The following UGCG variants were observed in gnomAD, a reference collection of about 807,000 sequenced individuals.
UGCG encodes the protein ceramide glucosyltransferase.
UGCG carries 10 observed loss-of-function variants against 49.5 expected under a neutral mutation model. That is an observed-to-expected ratio of 0.20 (90% CI 0.12 to 0.34). The LOEUF is 0.34. UGCG is among the 10% of genes least tolerant of loss of function. The pLI, the probability that UGCG is intolerant of heterozygous loss-of-function variation, is 1.00. For missense variants in UGCG, 312 were observed against 483.7 expected, an observed-to-expected ratio of 0.65 and a Z score of 3.33; for synonymous variants, 182 against 158.2, an observed-to-expected ratio of 1.15 and a Z score of -1.13.
chr9:111,907,767 G>A (rs1837915940), intron 1 of UGCG, among the ~76,000 whole-genome samples: 1 of 151,936 alleles, frequency 6.6e-6, no homozygotes, highest in Non-Finnish European at 1.5e-5. Context: ...TGGGATTACA[G>A]GCACGTGAGG....
At chr9:111,904,151 C>T (rs1837830837) in intron 1 of UGCG, among the ~76,000 whole-genome samples, 1 of 152,242 alleles carries the variant, frequency 6.6e-6, no homozygotes, top group African/African-American at 2.4e-5. Flanking sequence ...TCCATTTAGC[C>T]TAGAGCCCAC....
At chr9:111,931,236 A>G (rs1270513753) in intron 6 of UGCG, 35 bp from the exon 7 acceptor site, 1 of 1,602,052 alleles carries the variant, frequency 6.2e-7, no homozygotes, top group South Asian at 1.1e-5. Flanking sequence ...TGTGTTCATC[A>G]TCATAACTTA....
rs73530540 is a variant in UGCG at position 111,903,129 on chromosome 9, G to A, written c.98+5816G>A. Reference sequence around the variant, plus strand: ...GAGGAGCTGTATTAAGGTTGCTGCAGAGGCTGCTTCCCGCCATCTGAAGGG... The same window carrying A: ...GAGGAGCTGTATTAAGGTTGCTGCAAAGGCTGCTTCCCGCCATCTGAAGGG... On this transcript the variant is annotated intron_variant, in intron 1 of 8. Coordinates refer to ENST00000374279, the MANE Select transcript of UGCG (RefSeq NM_003358.3). Among the ~76,000 whole-genome samples, 1,139 of 152,284 alleles carry A rather than the reference G, an allele frequency of 7.5e-3. 19 individuals are homozygous for A. Among genetic ancestry groups the A allele is most frequent in the African/African-American group, 0.026 (1,086 of 41,538 alleles).
chr9:111,933,012 C>T lies in UGCG; in HGVS notation c.*15C>T, dbSNP rs202093162. ...TAGATGTATAACTACAGCTTTGTGACTGTATATAAAGGAAAAAAGAGAAGT... is the reference window on the plus strand; with the variant it reads ...TAGATGTATAACTACAGCTTTGTGATTGTATATAAAGGAAAAAAGAGAAGT... On this transcript the variant is annotated 3_prime_UTR_variant, in exon 9 of 9. Coordinates refer to ENST00000374279, the MANE Select transcript of UGCG (RefSeq NM_003358.3). 1,174 of 1,520,720 alleles carry T rather than the reference C, an allele frequency of 7.7e-4. 3 individuals are homozygous for T. Among genetic ancestry groups the T allele is most frequent in the Middle Eastern group, 7.0e-3 (40 of 5,720 alleles). 94.2% of individuals were successfully genotyped at this position (1,520,720 alleles called of 1,614,324 possible). A position where few individuals can be genotyped will look rare whatever the true frequency, so the allele number is the denominator to read the frequency against.
intron 2 of UGCG, 79 bp from the exon 3 acceptor site, chr9:111,922,770 C>CT: frequency 3.1e-6 from 3 of 980,988 alleles, no homozygotes; most frequent in South Asian, 3.9e-5. Context: ...TTTTCCTGTG[C>CT]TTTTTGTTCA....
chr9:111,914,521 A>C, intron 1 of UGCG, 84 bp from the exon 2 acceptor site: 1 of 1,329,970 alleles, frequency 7.5e-7, no homozygotes, highest in South Asian at 1.5e-5. Flanking sequence ...CTTAGAATTT[A>C]GGGATTTATT....
At chr9:111,899,351 G>A (rs956573897) in intron 1 of UGCG, among the ~76,000 whole-genome samples, 8 of 152,160 alleles carry the variant, frequency 5.3e-5, no homozygotes, top group Non-Finnish European at 1.2e-4. Context: ...TAAGTAGCAG[G>A]CATTTCACTG....
chr9:111,919,794 CAAAAAAAAA>C (rs61089422), intron 2 of UGCG, among the ~76,000 whole-genome samples: 1 of 76,334 alleles, frequency 1.3e-5, no homozygotes, highest in Non-Finnish European at 2.7e-5. Context: ...GACTCCATCT[CAAAAAAAAA>C]AAAAAAAAAG....
intron 2 of UGCG, among the ~76,000 whole-genome samples, chr9:111,917,637 T>C (rs1302367945): frequency 1.3e-5 from 2 of 152,242 alleles, no homozygotes; most frequent in Admixed American, 1.3e-4. Context: ...TACTTAATTT[T>C]GGACATGTGC....
chr9:111,925,498 C>T (rs1030204051), intron 4 of UGCG, among the ~76,000 whole-genome samples: 3 of 152,194 alleles, frequency 2.0e-5, no homozygotes, highest in African/African-American at 4.8e-5. Flanking sequence ...TAGCAGCATG[C>T]CTGGTCTCTA....
At position 111,926,377 on chromosome 9, in the gene UGCG, A is replaced by T. The variant is rs1220597749; in HGVS notation, c.446-7A>T. On this transcript the variant is annotated splice_polypyrimidine_tract_variant and splice_region_variant and intron_variant, in intron 4 of 8. Coordinates refer to ENST00000374279, the MANE Select transcript of UGCG (RefSeq NM_003358.3). The stretch of plus-strand genomic sequence containing the variant: ...CTCCCCCTCTCTGCCTTTTTTTTAA[A>T]TTGTAGTAATTCCAGATACGCTTAC... The T allele has an allele frequency of 4.4e-6, 7 of 1,583,310 alleles. No homozygotes were observed. The Admixed American group carries it at 5.4e-5, about 12-fold the overall frequency.
chr9:111,923,958 T>G (rs1838274306), intron 3 of UGCG, among the ~76,000 whole-genome samples: 2 of 152,022 alleles, frequency 1.3e-5, no homozygotes, highest in South Asian at 4.1e-4. Context: ...CTCAGCTAAT[T>G]TTTTTGTATT....
chr9:111,915,811 G>A, intron 2 of UGCG: 2 of 985,052 alleles, frequency 2.0e-6, no homozygotes, highest in South Asian at 9.4e-5. Context: ...ACACAGATGT[G>A]ATAGCCTTAA....
chr9:111,901,547 A>T (rs1175808277), intron 1 of UGCG, among the ~76,000 whole-genome samples: 6 of 152,118 alleles, frequency 3.9e-5, no homozygotes, highest in Admixed American at 1.3e-4. Flanking sequence ...CAGTGTGGGG[A>T]GGGAGAGCAT....
At chr9:111,930,516 G>C (rs563438471) in intron 6 of UGCG, among the ~76,000 whole-genome samples, 22 of 149,206 alleles carry the variant, frequency 1.5e-4, no homozygotes, top group Middle Eastern at 3.5e-3. Flanking sequence ...CATCCAGGCT[G>C]GAGTGCAGTG....
chr9:111,900,076 C>A (rs77400884), intron 1 of UGCG, among the ~76,000 whole-genome samples: 2,254 of 150,394 alleles, frequency 0.015, 69 homozygotes, highest in African/African-American at 0.052. Context: ...CTAAAAATAA[C>A]TAAAGAGTAT....
In UGCG at chr9:111,925,017, TC is replaced by T; in HGVS notation, c.445+141del. 2 of 365,164 alleles carry T rather than the reference TC, an allele frequency of 5.5e-6. 1 individual carries two copies. The highest frequency in any genetic ancestry group is 1.6e-4 in the South Asian group (2 of 12,692). 22.6% of individuals were successfully genotyped at this position (365,164 alleles called of 1,614,324 possible). On this transcript the variant is annotated intron_variant, in intron 4 of 8. Transcript: ENST00000374279. ...TTCATCATCATTTCATGGTAATATGTCCAGTTATGCTTACTAAGATTTTGAT... is the reference window on the plus strand; with the variant it reads ...TTCATCATCATTTCATGGTAATATGTCAGTTATGCTTACTAAGATTTTGAT...
At chr9:111,918,794 G>T (rs984892725) in intron 2 of UGCG, among the ~76,000 whole-genome samples, 1 of 151,772 alleles carries the variant, frequency 6.6e-6, no homozygotes, top group Admixed American at 6.6e-5. Context: ...GCGCAGTGGC[G>T]GGTGCCTGTA....
At position 111,897,490 on chromosome 9, in the gene UGCG, T is replaced by A. The variant is rs1837685260; in HGVS notation, c.98+177T>A. 3.9e-5 allele frequency among the ~76,000 whole-genome samples: 6 copies of A among 152,056 alleles called. No homozygotes were observed. In the South Asian group the frequency reaches 1.3e-3, roughly 32 times the overall value. ...TCGGACCGGCGGTGGCGGTGGTCTT[T>A]GCGAGGGAAAAGTGTTGGGCGTGGG... is the stretch of plus-strand genomic sequence containing the variant. On this transcript the variant is annotated intron_variant, in intron 1 of 8. Transcript: ENST00000374279.
Sources: gnomAD v4.1 joint callset for allele counts (sites outside exome capture counted in the v4.1 genomes callset) on GRCh38, gnomAD v4.1.1 for gene constraint, MANE v1.5 for transcripts, NCBI Gene and HGNC (gene_info 2026-07-23, HGNC 2026-07-21) for gene names.